Variants in CCDC30 observed in about 807,000 individuals in gnomAD.
CCDC30 encodes coiled-coil domain containing 30, also known as coiled-coil domain-containing protein 30.
Under a neutral mutation model 100.2 loss-of-function variants are expected in CCDC30, and 70 were observed. The ratio of observed to expected loss-of-function variants is 0.70; its 90% CI spans 0.58 to 0.85. The LOEUF (loss-of-function observed/expected upper bound fraction) is 0.85. Among genes scored for constraint, CCDC30 ranks in the 40% least tolerant of loss-of-function variants. The pLI is 0.00. For missense variants in CCDC30, 652 were observed against 771.2 expected (o/e 0.85, Z 1.83); for synonymous variants, 233 against 269.5 (o/e 0.86, Z 1.33).
chr1:42,499,953 C>G (rs529173752), intron 6 of CCDC30, among the ~76,000 whole-genome samples: 32 of 152,188 alleles, frequency 2.1e-4, no homozygotes, highest in Non-Finnish European at 3.7e-4. Flanking sequence ...CGTCCCACCC[C>G]ACTTCTTCTA....
At chr1:42,541,822 T>G (rs1038421761) in intron 6 of CCDC30, among the ~76,000 whole-genome samples, 3 of 152,240 alleles carry the variant, frequency 2.0e-5, no homozygotes, top group African/African-American at 7.2e-5. Flanking sequence ...AGAAGCTGTA[T>G]GTATTTGCTG....
chr1:42,509,121 G>A lies in CCDC30; in HGVS notation c.456+10205G>A, dbSNP rs1325539990. Among the ~76,000 whole-genome samples the A allele has an allele frequency of 3.5e-4, 54 of 152,160 alleles. 1 individual carries two copies. The highest frequency in any genetic ancestry group is 3.5e-3 in the Admixed American group (54 of 15,274). On this transcript the variant is annotated intron_variant, in intron 6 of 16. Coordinates refer to ENST00000668663, the Ensembl canonical transcript of CCDC30. ...GTAAGCAGCTTTTGAAACCTTCATTGCAAAACTGTGACTGAGACAGTGAAA... is the reference window on the plus strand; with the variant it reads ...GTAAGCAGCTTTTGAAACCTTCATTACAAAACTGTGACTGAGACAGTGAAA...
At position 42,556,415 on chromosome 1, in the gene CCDC30, A is replaced by G. The variant is rs1307070524; in HGVS notation, c.457-9881A>G. The stretch of plus-strand genomic sequence containing the variant: ...TGACAGTGGTGCCCAGGTAGGTGCT[A>G]TAAACACATGCCCTGACTGGGTTCG... On this transcript the variant is annotated intron_variant, in intron 6 of 16. Coordinates refer to ENST00000668663, the Ensembl canonical transcript of CCDC30. 8.8e-6 allele frequency: 14 copies of G among 1,592,688 alleles called. No individual in the cohort carries two copies. Among genetic ancestry groups the G allele is most frequent in the Admixed American group, 1.8e-5 (1 of 56,382 alleles).
At chr1:42,656,064 T>A (rs1216918921), downstream of CCDC30, among the ~76,000 whole-genome samples, 1 of 151,784 alleles carries the variant, frequency 6.6e-6, no homozygotes, top group African/African-American at 2.4e-5. Context: ...GAGGTCTCAC[T>A]CTCACTCTAT....
chr1:42,519,033 T>C (rs1411438581), intron 6 of CCDC30, among the ~76,000 whole-genome samples: 3 of 152,220 alleles, frequency 2.0e-5, no homozygotes, highest in African/African-American at 7.2e-5. Flanking sequence ...TCAACTGAGA[T>C]TATTATATGG....
At chr1:42,571,305 GT>G (rs998625435) in intron 7 of CCDC30, 3 of 151,968 alleles carry the variant, frequency 2.0e-5, no homozygotes, top group Non-Finnish European at 4.4e-5. Flanking sequence ...TCTTTGATTT[GT>G]TTCTTATCTA....
intron 1 of CCDC30, among the ~76,000 whole-genome samples, chr1:42,473,999 T>C (rs1363189796): frequency 3.3e-5 from 5 of 152,144 alleles, no homozygotes; most frequent in Non-Finnish European, 5.9e-5. Context: ...GTTACTCTCT[T>C]GGATGTTTCC....
intron 6 of CCDC30, among the ~76,000 whole-genome samples, chr1:42,550,582 C>T (rs1401661726): frequency 6.6e-6 from 1 of 152,198 alleles, no homozygotes; most frequent in Non-Finnish European, 1.5e-5. Context: ...ATAGTCCTCC[C>T]CCAGCTTTTC....
chr1:42,527,227 A>T (rs145868065), intron 6 of CCDC30, among the ~76,000 whole-genome samples: 3 of 152,344 alleles, frequency 2.0e-5, no homozygotes, highest in East Asian at 1.9e-4. Flanking sequence ...TTACAGGGTA[A>T]CTTATCTGCT....
chr1:42,631,697 A>T (rs1036671021), intron 11 of CCDC30, among the ~76,000 whole-genome samples: 3 of 152,158 alleles, frequency 2.0e-5, no homozygotes, highest in Non-Finnish European at 2.9e-5. Context: ...CCGAAAATGC[A>T]GTCCTTTCCA....
intron 10 of CCDC30, among the ~76,000 whole-genome samples, chr1:42,603,223 C>T (rs544462760): frequency 6.6e-6 from 1 of 152,268 alleles, no homozygotes; most frequent in African/African-American, 2.4e-5. Context: ...GCTGCACCCT[C>T]TGGAGGGGAG....
At chr1:42,615,355 T>C (rs142307387) in intron 11 of CCDC30, among the ~76,000 whole-genome samples, 2,551 of 152,292 alleles carry the variant, frequency 0.017, 82 homozygotes, top group African/African-American at 0.054. Flanking sequence ...TGGAGTGCAG[T>C]GGCCTGATCT....
chr1:42,460,465 T>G, upstream of CCDC30: 11,809 of 464,130 alleles, frequency 0.025, no homozygotes, highest in Non-Finnish European at 0.03. Flanking sequence ...GAAAGAAGGA[T>G]ACCTCCCTGA....
intron 10 of CCDC30, chr1:42,594,931 C>G (rs1273008655): frequency 1.3e-5 from 2 of 151,686 alleles, no homozygotes; most frequent in Non-Finnish European, 2.9e-5. Context: ...AAAGTTTATA[C>G]ATCATCTTGT....
chr1:42,630,574 G>T (rs988056633), intron 11 of CCDC30, among the ~76,000 whole-genome samples: 1 of 151,538 alleles, frequency 6.6e-6, no homozygotes, highest in Admixed American at 6.6e-5. Flanking sequence ...TAGAGACAGG[G>T]TTTTGCCATG....
chr1:42,500,184 A>G, intron 6 of CCDC30: 1 of 1,487,648 alleles, frequency 6.7e-7, no homozygotes, highest in South Asian at 1.1e-5. Context: ...CGTACAGTGC[A>G]TATTGGCGGT....
At chr1:42,544,260 T>G (rs1447197734) in intron 6 of CCDC30, among the ~76,000 whole-genome samples, 1 of 152,232 alleles carries the variant, frequency 6.6e-6, no homozygotes, top group Non-Finnish European at 1.5e-5. Flanking sequence ...TTTTTTCATT[T>G]TATATGAAGA....
intron 12 of CCDC30, among the ~76,000 whole-genome samples, chr1:42,641,575 CA>C (rs909244511): frequency 2.0e-5 from 3 of 148,928 alleles, no homozygotes; most frequent in Admixed American, 1.3e-4. Context: ...CAAAAAAAAA[CA>C]AAAAAAACAG....
chr1:42,587,198 T>C (rs1275551173), intron 9 of CCDC30, among the ~76,000 whole-genome samples: 4 of 152,160 alleles, frequency 2.6e-5, no homozygotes, highest in Non-Finnish European at 5.9e-5. Context: ...GTTCTCACTA[T>C]GTTGCCCAGG....
Sources: allele counts gnomAD v4.1 joint callset (sites outside exome capture counted in the v4.1 genomes callset), GRCh38; gene constraint gnomAD v4.1.1; transcripts MANE v1.5; gene names NCBI Gene and HGNC (gene_info 2026-07-23, HGNC 2026-07-21).